Variants in RASA3 observed in about 807,000 individuals in gnomAD.
The protein encoded by RASA3 is RAS p21 protein activator 3.
A neutral mutation model predicts 110.0 loss-of-function variants in RASA3; 73 were observed. That is an observed-to-expected ratio of 0.66 (90% CI 0.55 to 0.81). RASA3 has a LOEUF of 0.81. RASA3 is among the 30% of genes least tolerant of loss of function. The pLI, the probability that RASA3 is intolerant of heterozygous loss-of-function variation, is 0.00. For missense variants in RASA3, 976 were observed against 1,113.2 expected, an observed-to-expected ratio of 0.88 and a Z score of 1.75; for synonymous variants, 500 against 451.4, an observed-to-expected ratio of 1.11 and a Z score of -1.37.
At chr13:114,019,679 G>C (rs2053875452) in intron 9 of RASA3, among the ~76,000 whole-genome samples, 1 of 150,536 alleles carries the variant, frequency 6.6e-6, no homozygotes, top group Non-Finnish European at 1.5e-5. Context: ...CCCTCAGATG[G>C]ATAGAGCCTG....
chr13:114,124,056 G>A (rs949267419), intron 1 of RASA3, among the ~76,000 whole-genome samples: 4 of 151,816 alleles, frequency 2.6e-5, no homozygotes, highest in Non-Finnish European at 5.9e-5. Context: ...CCAGCCCCCC[G>A]GCCCAGCCCC....
At chr13:114,007,659 A>G in intron 17 of RASA3, 53 bp from the exon 18 acceptor site, 1 of 1,422,636 alleles carries the variant, frequency 7.0e-7, no homozygotes, top group Non-Finnish European at 9.9e-7. Flanking sequence ...TCTGACGTGC[A>G]CGGCTCTCTG....
At chr13:113,997,823 G>C (rs1303776184) in intron 20 of RASA3, among the ~76,000 whole-genome samples, 1 of 152,114 alleles carries the variant, frequency 6.6e-6, no homozygotes, top group African/African-American at 2.4e-5. Flanking sequence ...GGGAGGATTT[G>C]GGCTCCAGGT....
At chr13:114,081,005 C>T (rs575644569) in intron 1 of RASA3, among the ~76,000 whole-genome samples, 38 of 150,942 alleles carry the variant, frequency 2.5e-4, no homozygotes, top group East Asian at 3.9e-4. Context: ...GGGCCGTCCA[C>T]CTAGAACACC....
chr13:114,012,285 G>A (rs149831495), intron 15 of RASA3, among the ~76,000 whole-genome samples: 211 of 151,816 alleles, frequency 1.4e-3, no homozygotes, highest in African/African-American at 4.6e-3. Flanking sequence ...CAACGAGGAC[G>A]TTCCAGGACC....
At chr13:113,993,803 G>A (rs1331062942) in intron 21 of RASA3, among the ~76,000 whole-genome samples, 4 of 75,202 alleles carry the variant, frequency 5.3e-5, no homozygotes, top group African/African-American at 3.2e-4. Flanking sequence ...GCGAGACTCT[G>A]CCTAAAAAAA....
At chr13:114,098,589 C>T (rs145117525) in intron 1 of RASA3, among the ~76,000 whole-genome samples, 208 of 152,082 alleles carry the variant, frequency 1.4e-3, no homozygotes, top group Non-Finnish European at 2.3e-3. Flanking sequence ...TGGGGCTGGC[C>T]GGCCCCCTCC....
chr13:114,076,308 C>T (rs1164521246), intron 1 of RASA3, among the ~76,000 whole-genome samples: 1 of 152,218 alleles, frequency 6.6e-6, no homozygotes, highest in Non-Finnish European at 1.5e-5. Flanking sequence ...TCCTGATAGG[C>T]ACTGGACCCT....
chr13:114,047,171 T>C (rs542747798), intron 3 of RASA3, among the ~76,000 whole-genome samples: 1 of 152,350 alleles, frequency 6.6e-6, no homozygotes, highest in East Asian at 1.9e-4. Flanking sequence ...AGCACACTTG[T>C]GATAGACTCG....
chr13:114,031,499 T>G (rs1423492570), intron 4 of RASA3, among the ~76,000 whole-genome samples: 1 of 151,220 alleles, frequency 6.6e-6, no homozygotes, highest in African/African-American at 2.4e-5. Context: ...TGTGCGCGAC[T>G]GTGTCTGCCT....
chr13:114,092,517 G>A (rs1164569312), intron 1 of RASA3, among the ~76,000 whole-genome samples: 1 of 152,100 alleles, frequency 6.6e-6, no homozygotes, highest in African/African-American at 2.4e-5. Context: ...TGATTGTGTT[G>A]AGAAAAGAGA....
chr13:114,064,743 C>T (rs1447864881), intron 2 of RASA3, among the ~76,000 whole-genome samples: 2 of 152,218 alleles, frequency 1.3e-5, no homozygotes, highest in Non-Finnish European at 2.9e-5. Context: ...AGCTTAACCT[C>T]GGGGTATCTC....
At chr13:114,089,244 GGAGGAGGAGA>G (rs1279933541) in intron 1 of RASA3, among the ~76,000 whole-genome samples, 3 of 150,030 alleles carry the variant, frequency 2.0e-5, no homozygotes, top group East Asian at 4.0e-4. Flanking sequence ...AGGGATGTTC[GGAGGAGGAGA>G]GAGGAGGGGA....
At chr13:114,082,475 G>A (rs2079799444) in intron 1 of RASA3, among the ~76,000 whole-genome samples, 1 of 152,258 alleles carries the variant, frequency 6.6e-6, no homozygotes, top group South Asian at 2.1e-4. Context: ...CGGACAGTGG[G>A]CAAACCTCCC....
chr13:114,069,455 T>TCAGGGACCGGGAGAC (rs2079517041), intron 2 of RASA3, among the ~76,000 whole-genome samples: 1 of 63,230 alleles, frequency 1.6e-5, no homozygotes, highest in Non-Finnish European at 2.9e-5. Flanking sequence ...ACCGGGAGAC[T>TCAGGGACCGGGAGAC]TGGGGGGCTG....
chr13:114,045,788 T>C (rs577060193), intron 3 of RASA3, among the ~76,000 whole-genome samples: 3 of 152,378 alleles, frequency 2.0e-5, no homozygotes, highest in East Asian at 3.9e-4. Context: ...ATTATGCTTT[T>C]AGGTTTGTGC....
chr13:114,075,851 A>G (rs12871508), intron 1 of RASA3, among the ~76,000 whole-genome samples: 3,250 of 14,552 alleles, frequency 0.22, 786 homozygotes, highest in African/African-American at 0.26. Context: ...GCGTATCTCT[A>G]CGTGTGGAGG....
intron 17 of RASA3, 108 bp from the exon 18 acceptor site, chr13:114,007,714 T>G (rs932843678): frequency 1.1e-6 from 1 of 892,664 alleles, no homozygotes. Flanking sequence ...GTAATACCAG[T>G]GGAGACAGAA....
intron 1 of RASA3, among the ~76,000 whole-genome samples, chr13:114,111,650 C>G (rs558472059): frequency 6.6e-6 from 1 of 152,250 alleles, no homozygotes; most frequent in Admixed American, 6.5e-5. Context: ...AGGAGGGAAA[C>G]GTCACTTCCT....
Sources: allele counts gnomAD v4.1 joint callset (sites outside exome capture counted in the v4.1 genomes callset), GRCh38; gene constraint gnomAD v4.1.1; transcripts MANE v1.5; gene names NCBI Gene and HGNC (gene_info 2026-07-23, HGNC 2026-07-21).